SLC39A10: variants seen among roughly 807,000 people sequenced by gnomAD.
SLC39A10 encodes the protein zinc transporter ZIP10.
SLC39A10 carries 13 observed loss-of-function variants against 65.1 expected under a neutral mutation model. The ratio of observed to expected loss-of-function variants is 0.20; its 90% CI spans 0.13 to 0.32. SLC39A10 has a LOEUF of 0.32. Ranked by LOEUF, SLC39A10 falls within the 10% of genes least tolerant of loss-of-function variation. The pLI is 1.00. For synonymous variants in SLC39A10, 321 were observed against 342.2 expected, an observed-to-expected ratio of 0.94 and a Z score of 0.68; for missense variants, 831 against 1,018.4, an observed-to-expected ratio of 0.82 and a Z score of 2.50.
rs1213216658 is a variant in SLC39A10 at position 195,736,328 on chromosome 2, A to T, written c.*1287A>T. 6.0e-6 allele frequency: 1 copy of T among 165,538 alleles called. No individual in the cohort carries two copies. The highest frequency in any genetic ancestry group is 2.4e-5 in the African/African-American group (1 of 41,448). The allele number at this position is 165,538 out of a possible 1,614,324, so 10.3% of individuals were successfully genotyped here. On this transcript the variant is annotated 3_prime_UTR_variant, in exon 10 of 10. Coordinates refer to ENST00000359634, the MANE Select transcript of SLC39A10 (RefSeq NM_020342.3). ...GTTTATCCTGAATTTTTACTTAATA[A>T]TTTGTATTACTAGTCATATGCATGT...
At chr2:195,651,225 G>A (rs1213152673) in intron 2 of SLC39A10, among the ~76,000 whole-genome samples, 1 of 152,072 alleles carries the variant, frequency 6.6e-6, no homozygotes, top group Non-Finnish European at 1.5e-5. Context: ...ATTTCTCAGG[G>A]ATCAGAAAAA....
intron 9 of SLC39A10, among the ~76,000 whole-genome samples, chr2:195,731,058 A>G (rs2105849291): frequency 6.6e-6 from 1 of 152,332 alleles, no homozygotes; most frequent in South Asian, 2.1e-4. Flanking sequence ...CAGCTCAACT[A>G]GAGCAATCCT....
intron 3 of SLC39A10, 86 bp downstream of exon 3, chr2:195,683,992 A>G (rs1690431313): frequency 1.1e-6 from 1 of 917,018 alleles, no homozygotes; most frequent in East Asian, 2.6e-5. Context: ...AGAATCCTAA[A>G]TTATTGACTT....
At chr2:195,732,279 T>C (rs755590206) in intron 9 of SLC39A10, among the ~76,000 whole-genome samples, 32 of 152,232 alleles carry the variant, frequency 2.1e-4, no homozygotes, top group Non-Finnish European at 5.9e-5. Flanking sequence ...CTTTTATTGA[T>C]TTAAAGCCAT....
intron 6 of SLC39A10, among the ~76,000 whole-genome samples, chr2:195,716,328 C>T (rs149393599): frequency 6.6e-6 from 1 of 152,130 alleles, no homozygotes; most frequent in Admixed American, 6.5e-5. Flanking sequence ...AGTTTTTCTC[C>T]TCACTTTGCC....
chr2:195,672,411 G>T (rs770667710), intron 1 of SLC39A10, among the ~76,000 whole-genome samples: 5 of 152,078 alleles, frequency 3.3e-5, no homozygotes, highest in Non-Finnish European at 5.9e-5. Context: ...AGGATTACAG[G>T]CATGATCCAC....
At chr2:195,669,423 G>A (rs1487169700) in intron 1 of SLC39A10, among the ~76,000 whole-genome samples, 1 of 152,138 alleles carries the variant, frequency 6.6e-6, no homozygotes, top group African/African-American at 2.4e-5. Context: ...AATCACGTTA[G>A]ATACCTTTTC....
At chr2:195,669,634 AT>A (rs1280819367) in intron 1 of SLC39A10, among the ~76,000 whole-genome samples, 1 of 152,198 alleles carries the variant, frequency 6.6e-6, no homozygotes, top group Non-Finnish European at 1.5e-5. Context: ...GTTTAATTTT[AT>A]TTAAAATTTT....
At chr2:195,623,657 CACTTTTTTGTTTTGTAA>C (rs1274449964) in intron 2 of SLC39A10, among the ~76,000 whole-genome samples, 5 of 152,148 alleles carry the variant, frequency 3.3e-5, no homozygotes, top group Admixed American at 2.6e-4. Flanking sequence ...GACAAGAAAA[CACTTTTTTGTTTTGTAA>C]ACTTGCTTGT....
chr2:195,640,507 C>A (rs1417896795), intron 2 of SLC39A10, among the ~76,000 whole-genome samples: 3 of 151,612 alleles, frequency 2.0e-5, no homozygotes, highest in African/African-American at 7.3e-5. Flanking sequence ...TTTTTTTAAA[C>A]AGGGAGTAAT....
chr2:195,629,663 C>T (rs915300692), intron 2 of SLC39A10, among the ~76,000 whole-genome samples: 17 of 152,200 alleles, frequency 1.1e-4, no homozygotes, highest in Admixed American at 1.1e-3. Context: ...CAGTATATGT[C>T]ATGGCAATTG....
At chr2:195,670,609 A>AT (rs1689821679) in intron 1 of SLC39A10, 1 of 152,074 alleles carries the variant, frequency 6.6e-6, no homozygotes, top group East Asian at 1.9e-4. Context: ...CTATTACAAT[A>AT]TTTTTTAGAG....
chr2:195,618,035 G>A (rs1017713338), intron 2 of SLC39A10, among the ~76,000 whole-genome samples: 1 of 140,106 alleles, frequency 7.1e-6, no homozygotes, highest in African/African-American at 2.6e-5. Flanking sequence ...CACCTCGCCC[G>A]GCCTTGTCTC....
At chr2:195,712,147 C>CTGCATCTT (rs1299392163) in intron 5 of SLC39A10, among the ~76,000 whole-genome samples, 1 of 152,240 alleles carries the variant, frequency 6.6e-6, no homozygotes, top group Non-Finnish European at 1.5e-5. Flanking sequence ...CACTCCCTGT[C>CTGCATCTT]TGCATCTTAA....
chr2:195,659,244 A>T (rs1689285249), intron 1 of SLC39A10, among the ~76,000 whole-genome samples: 2 of 152,214 alleles, frequency 1.3e-5, no homozygotes, highest in African/African-American at 4.8e-5. Flanking sequence ...CTTTAAAAAA[A>T]GTGGTTGGGG....
At chr2:195,671,308 C>T (rs1375772920) in intron 1 of SLC39A10, among the ~76,000 whole-genome samples, 1 of 152,074 alleles carries the variant, frequency 6.6e-6, no homozygotes, top group Non-Finnish European at 1.5e-5. Context: ...AGGCTTTTAA[C>T]TGTGGTTATG....
intron 2 of SLC39A10, among the ~76,000 whole-genome samples, chr2:195,615,220 A>G (rs1688180068): frequency 6.6e-6 from 1 of 152,184 alleles, no homozygotes; most frequent in Non-Finnish European, 1.5e-5. Context: ...ATATCATCAC[A>G]ATGCAGTTTC....
At chr2:195,720,763 A>C (rs556816983) in intron 8 of SLC39A10, among the ~76,000 whole-genome samples, 3 of 152,204 alleles carry the variant, frequency 2.0e-5, no homozygotes, top group Non-Finnish European at 4.4e-5. Flanking sequence ...TCCTTTATCC[A>C]GACCAAGTCA....
At chr2:195,696,130 A>G (rs547505957) in intron 3 of SLC39A10, among the ~76,000 whole-genome samples, 2 of 152,206 alleles carry the variant, frequency 1.3e-5, no homozygotes, top group South Asian at 2.1e-4. Flanking sequence ...TCTCTCTTCT[A>G]TTCCATTGGT....
Sources: gnomAD v4.1 joint callset for allele counts (sites outside exome capture counted in the v4.1 genomes callset) on GRCh38, gnomAD v4.1.1 for gene constraint, MANE v1.5 for transcripts, NCBI Gene and HGNC (gene_info 2026-07-23, HGNC 2026-07-21) for gene names.